BTBD9: variants seen among roughly 807,000 people sequenced by gnomAD.
BTBD9 encodes the protein BTB domain containing 9.
BTBD9 carries 49 observed loss-of-function variants against 64.3 expected under a neutral mutation model. That is an observed-to-expected ratio of 0.76 (90% CI 0.61 to 0.97). The LOEUF (loss-of-function observed/expected upper bound fraction) is 0.97. Ranked by LOEUF, BTBD9 falls within the 50% of genes least tolerant of loss-of-function variation. BTBD9 has a pLI of 0.00. For missense variants in BTBD9, 598 were observed against 762.1 expected (o/e 0.78, Z 2.53); for synonymous variants, 260 against 274.7 (o/e 0.95, Z 0.53).
Position 38,390,728 on chromosome 6 carries a change from C to T in BTBD9, c.1155-45635G>A, listed in dbSNP as rs115898095. 6.3e-3 allele frequency among the ~76,000 whole-genome samples: 955 copies of T among 152,326 alleles called. 11 individuals carry two copies. The highest frequency in any genetic ancestry group is 0.019 in the African/African-American group (797 of 41,568). On this transcript the variant is annotated intron_variant, in intron 6 of 10. Coordinates refer to ENST00000481247, the MANE Select transcript of BTBD9 (RefSeq NM_001099272.2). ...TTAAACTGATACATGGCTCCACTCTCATTACAAAGAGGTAGATGGTGATGC... is the reference window on the plus strand; with the variant it reads ...TTAAACTGATACATGGCTCCACTCTTATTACAAAGAGGTAGATGGTGATGC...
At chr6:38,177,092 G>A (rs1761300371) in intron 10 of BTBD9, among the ~76,000 whole-genome samples, 2 of 152,164 alleles carry the variant, frequency 1.3e-5, no homozygotes, top group Non-Finnish European at 2.9e-5. Context: ...GCTGACACAG[G>A]AGCTCTTTAT....
chr6:38,410,696 A>G (rs943719888), intron 6 of BTBD9, among the ~76,000 whole-genome samples: 1 of 152,058 alleles, frequency 6.6e-6, no homozygotes, highest in Admixed American at 6.5e-5. Context: ...AGAGAATGAT[A>G]CTGAATGACT....
In BTBD9 at chr6:38,287,082, CAAAAAAAA is replaced by C. The variant is rs60618390; in HGVS notation, c.1454+1182_1454+1189del. Reference sequence around the variant, plus strand: ...GGGTGACAATAGTGAGGCTCCATCTCAAAAAAAAAAAAAAAAAAAAAAAATATACACAC... The same window carrying C: ...GGGTGACAATAGTGAGGCTCCATCTCAAAAAAAAAAAAAAAATATACACAC... On this transcript the variant is annotated intron_variant, in intron 8 of 10. Coordinates refer to ENST00000481247, the MANE Select transcript of BTBD9 (RefSeq NM_001099272.2). 4.3e-3 allele frequency among the ~76,000 whole-genome samples: 109 copies of C among 25,366 alleles called. 3 individuals carry two copies. The highest frequency in any genetic ancestry group is 9.8e-3 in the Admixed American group (11 of 1,124). 16.6% of individuals were successfully genotyped at this position (25,366 alleles called of 152,430 possible). A position where few individuals can be genotyped will look rare whatever the true frequency, so the allele number is the denominator to read the frequency against.
At chr6:38,520,223 G>A (rs1449722127) in intron 6 of BTBD9, among the ~76,000 whole-genome samples, 3 of 152,248 alleles carry the variant, frequency 2.0e-5, no homozygotes, top group East Asian at 3.9e-4. Context: ...GGAGGCTGAG[G>A]TGGGTAGATA....
intron 6 of BTBD9, among the ~76,000 whole-genome samples, chr6:38,525,326 T>G (rs189227011): frequency 2.6e-5 from 4 of 152,324 alleles, no homozygotes; most frequent in Admixed American, 6.5e-5. Flanking sequence ...GTAAGTTTCC[T>G]GAGGCCTCCC....
At chr6:38,281,321 G>C (rs549771497) in intron 8 of BTBD9, among the ~76,000 whole-genome samples, 2 of 152,180 alleles carry the variant, frequency 1.3e-5, no homozygotes, top group Non-Finnish European at 2.9e-5. Flanking sequence ...TCTAGAGTTG[G>C]TTGTAGCCAC....
intron 6 of BTBD9, among the ~76,000 whole-genome samples, chr6:38,366,547 A>G (rs1765190140): frequency 6.6e-6 from 1 of 152,244 alleles, no homozygotes; most frequent in Admixed American, 6.5e-5. Flanking sequence ...CAAGAGTAAA[A>G]TGAGGCCTGG....
chr6:38,547,170 G>A (rs1409821374), intron 6 of BTBD9, among the ~76,000 whole-genome samples: 1 of 152,074 alleles, frequency 6.6e-6, no homozygotes, highest in Non-Finnish European at 1.5e-5. Context: ...ATTGAAAGTA[G>A]GCCAATTAAT....
intron 7 of BTBD9, among the ~76,000 whole-genome samples, chr6:38,311,586 G>C (rs1762837045): frequency 6.6e-6 from 1 of 151,966 alleles, no homozygotes; most frequent in African/African-American, 2.4e-5. Context: ...CTTTCTTTTG[G>C]GTACATATCT....
intron 6 of BTBD9, among the ~76,000 whole-genome samples, chr6:38,564,742 A>G (rs1228824395): frequency 2.0e-5 from 3 of 151,884 alleles, no homozygotes; most frequent in Non-Finnish European, 2.9e-5. Flanking sequence ...CAAAAACAAA[A>G]TTAGCTGGGC....
chr6:38,229,560 T>G (rs543244154), intron 9 of BTBD9, among the ~76,000 whole-genome samples: 2 of 152,288 alleles, frequency 1.3e-5, no homozygotes, highest in African/African-American at 4.8e-5. Flanking sequence ...CAGAGCACAA[T>G]AGGAAGGTCA....
intron 6 of BTBD9, among the ~76,000 whole-genome samples, chr6:38,497,748 C>T (rs955283518): frequency 3.1e-4 from 47 of 152,156 alleles, no homozygotes; most frequent in African/African-American, 1.0e-3. Context: ...AGAGGATTTC[C>T]AAACCTTGTT....
intron 6 of BTBD9, among the ~76,000 whole-genome samples, chr6:38,492,606 A>C (rs902395410): frequency 6.6e-6 from 1 of 152,226 alleles, no homozygotes; most frequent in Non-Finnish European, 1.5e-5. Flanking sequence ...TGTAAGAATA[A>C]ACATAATTTT....
At position 38,458,907 on chromosome 6, in the gene BTBD9, T is replaced by C. The variant is rs57625366; in HGVS notation, c.1155-113814A>G. 3.9e-3 allele frequency among the ~76,000 whole-genome samples: 587 copies of C among 152,348 alleles called. 5 individuals carry two copies. The highest frequency in any genetic ancestry group is 0.013 in the African/African-American group (546 of 41,580). On this transcript the variant is annotated intron_variant, in intron 6 of 10. Transcript: ENST00000481247. ...GCCATTTTATGAGCATCTTTGCCAG[T>C]TGAATACTTTAATTATATGACATCA...
At chr6:38,236,689 A>G (rs1001579360) in intron 9 of BTBD9, among the ~76,000 whole-genome samples, 18 of 152,218 alleles carry the variant, frequency 1.2e-4, no homozygotes, top group African/African-American at 4.1e-4. Flanking sequence ...TGGGCACAGT[A>G]ATATGAGGAC....
intron 9 of BTBD9, among the ~76,000 whole-genome samples, chr6:38,205,188 T>G (rs1762592053): frequency 6.6e-6 from 1 of 152,156 alleles, no homozygotes; most frequent in Admixed American, 6.5e-5. Context: ...ACACAACAAA[T>G]TTTCCCACAT....
At chr6:38,275,190 G>A (rs1174999582) in intron 8 of BTBD9, among the ~76,000 whole-genome samples, 1 of 152,016 alleles carries the variant, frequency 6.6e-6, no homozygotes, top group Admixed American at 6.6e-5. Flanking sequence ...CAGATATAAC[G>A]CCACATATCT....
In BTBD9 at chr6:38,254,125, A is replaced by T. The variant is rs1334015205; in HGVS notation, c.1562+2284T>A. ...CTCTGTTCTTTCTCCTGCCAGCTAA[A>T]TGTGGCTGATGCTGAGGAGGACCTA... On this transcript the variant is annotated intron_variant, in intron 9 of 10. Transcript: ENST00000481247. Among the ~76,000 whole-genome samples the T allele has an allele frequency of 2.6e-5, 4 of 151,394 alleles. No homozygotes were observed. The East Asian group carries it at 7.7e-4, about 29-fold the overall frequency.
intron 6 of BTBD9, among the ~76,000 whole-genome samples, chr6:38,457,250 A>G (rs1021452644): frequency 1.3e-5 from 2 of 152,188 alleles, no homozygotes; most frequent in Non-Finnish European, 2.9e-5. Context: ...TTTTATGCAG[A>G]GAGTAATTTG....
Sources: allele counts gnomAD v4.1 joint callset (sites outside exome capture counted in the v4.1 genomes callset), GRCh38; gene constraint gnomAD v4.1.1; transcripts MANE v1.5; gene names NCBI Gene and HGNC (gene_info 2026-07-23, HGNC 2026-07-21).